MINDY2: variants seen among roughly 807,000 people sequenced by gnomAD.
MINDY2 encodes the protein ubiquitin carboxyl-terminal hydrolase MINDY-2.
A neutral mutation model predicts 68.2 loss-of-function variants in MINDY2; 52 were observed. That is an observed-to-expected ratio of 0.76 (90% CI 0.61 to 0.96). The LOEUF (loss-of-function observed/expected upper bound fraction) is 0.96, where lower values mean the gene tolerates loss of function less well. Among genes scored for constraint, MINDY2 ranks in the 40% least tolerant of loss-of-function variants. The probability of loss-of-function intolerance (pLI) is 0.00; values close to 1 mark genes in which losing one functional copy is unlikely to be tolerated. For missense variants in MINDY2, 881 were observed against 773.4 expected (o/e 1.14, Z -1.65); for synonymous variants, 372 against 303.0 (o/e 1.23, Z -2.36).
chr15:58,858,841 A>G lies in MINDY2; in HGVS notation c.*4231A>G, dbSNP rs2140888371. The G allele has an allele frequency of 6.6e-6, 1 of 152,284 alleles. No individual in the cohort carries two copies. Among genetic ancestry groups the G allele is most frequent in the Admixed American group, 6.5e-5 (1 of 15,302 alleles). 9.4% of individuals were successfully genotyped at this position (152,284 alleles called of 1,614,324 possible). On this transcript the variant is annotated 3_prime_UTR_variant, in exon 9 of 9. Coordinates refer to ENST00000559228, the MANE Select transcript of MINDY2 (RefSeq NM_001040450.3). ...CAGTTTGTATTTTAAGGAATTGGAC[A>G]TGAAGAATTCTAGATCATTTTGTGT...
At chr15:58,830,493 G>A (rs559558126) in intron 5 of MINDY2, among the ~76,000 whole-genome samples, 192 of 152,248 alleles carry the variant, frequency 1.3e-3, no homozygotes, top group African/African-American at 4.2e-3. Flanking sequence ...GGGATGCTCA[G>A]CTGATCAGTA....
At chr15:58,810,078 G>T in intron 3 of MINDY2, 152 bp from the exon 4 acceptor site, 1 of 677,818 alleles carries the variant, frequency 1.5e-6, no homozygotes, top group Non-Finnish European at 2.4e-6. Flanking sequence ...ACTAGCTTCT[G>T]ACACATAGTA....
intron 5 of MINDY2, among the ~76,000 whole-genome samples, chr15:58,823,210 T>C (rs1321793442): frequency 6.6e-6 from 1 of 150,756 alleles, no homozygotes; most frequent in Non-Finnish European, 1.5e-5. Context: ...CGATCTCAGC[T>C]CACTGCAACC....
At chr15:58,806,354 C>CT (rs57824507) in intron 3 of MINDY2, among the ~76,000 whole-genome samples, 1,601 of 128,534 alleles carry the variant, frequency 0.012, 11 homozygotes, top group Non-Finnish European at 0.015. Context: ...AACGTGCCAA[C>CT]TTTTTTTTTT....
intron 1 of MINDY2, among the ~76,000 whole-genome samples, chr15:58,779,820 A>G (rs1203269027): frequency 6.6e-6 from 1 of 152,202 alleles, no homozygotes; most frequent in African/African-American, 2.4e-5. Context: ...GTTGCCCTCT[A>G]ATAGTGATAG....
At chr15:58,831,579 G>T (rs537346303) in intron 5 of MINDY2, among the ~76,000 whole-genome samples, 195 bp from the exon 6 acceptor site, 16 of 152,280 alleles carry the variant, frequency 1.1e-4, no homozygotes, top group African/African-American at 3.9e-4. Context: ...ATTTAGGATA[G>T]GAATGTCTGT....
intron 1 of MINDY2, among the ~76,000 whole-genome samples, chr15:58,773,666 G>C (rs1900584161): frequency 6.6e-6 from 1 of 152,054 alleles, no homozygotes; most frequent in South Asian, 2.1e-4. Flanking sequence ...AACTTCATGG[G>C]ATTTATGGGT....
At chr15:58,843,882 A>G (rs1214960381) in intron 6 of MINDY2, among the ~76,000 whole-genome samples, 1 of 151,272 alleles carries the variant, frequency 6.6e-6, no homozygotes, top group African/African-American at 2.4e-5. Context: ...ACAATTTGTA[A>G]ATTGATAAAG....
chr15:58,826,062 A>G (rs1446926543), intron 5 of MINDY2, among the ~76,000 whole-genome samples: 1 of 152,064 alleles, frequency 6.6e-6, no homozygotes, highest in Admixed American at 6.6e-5. Context: ...TTTATTAAAT[A>G]ATATTGGTTT....
chr15:58,774,233 A>C (rs1900630460), intron 1 of MINDY2, among the ~76,000 whole-genome samples: 1 of 152,184 alleles, frequency 6.6e-6, no homozygotes, highest in Non-Finnish European at 1.5e-5. Flanking sequence ...CTGTATTCCC[A>C]GCATTTCGGG....
Position 58,831,055 on chromosome 15 carries a change from A to ATATATATATATATATATATATATATG in MINDY2, c.1226-714_1226-713insATATATATATATATATATATGTATAT, listed in dbSNP as rs1204574446. ...TGTGTGTGTGTGTATATATATATAT[A>ATATATATATATATATATATATATATG]TATATGTTTTAAATTATACCCCGGA... On this transcript the variant is annotated intron_variant, in intron 5 of 8. Coordinates refer to ENST00000559228, the MANE Select transcript of MINDY2 (RefSeq NM_001040450.3). Among the ~76,000 whole-genome samples the ATATATATATATATATATATATATATG allele has an allele frequency of 1.6e-4, 23 of 145,542 alleles. 1 individual carries two copies. The highest frequency in any genetic ancestry group is 5.8e-4 in the African/African-American group (21 of 36,488).
chr15:58,782,298 A>T (rs1023623501), intron 1 of MINDY2, among the ~76,000 whole-genome samples: 3 of 152,322 alleles, frequency 2.0e-5, no homozygotes, highest in African/African-American at 7.2e-5. Context: ...TATACACTGC[A>T]TATTTCAAAT....
chr15:58,857,041 G>A lies in MINDY2; in HGVS notation c.*2431G>A, dbSNP rs1285195799. On this transcript the variant is annotated 3_prime_UTR_variant, in exon 9 of 9. Transcript: ENST00000559228. Reference sequence around the variant, plus strand: ...GTAGATGTCAATGTATACTTACAAGGAAAAACTAAAAAATGTAATGTGTTA... The same window carrying A: ...GTAGATGTCAATGTATACTTACAAGAAAAAACTAAAAAATGTAATGTGTTA... 5 of 152,086 alleles carry A rather than the reference G, an allele frequency of 3.3e-5. No homozygotes were observed. Among genetic ancestry groups the A allele is most frequent in the African/African-American group, 1.2e-4 (5 of 41,430 alleles). The allele number at this position is 152,086 out of a possible 1,614,324, so 9.4% of individuals were successfully genotyped here.
chr15:58,852,719 AAAT>A (rs2032883574), intron 8 of MINDY2, among the ~76,000 whole-genome samples: 1 of 152,122 alleles, frequency 6.6e-6, no homozygotes, highest in Non-Finnish European at 1.5e-5. Flanking sequence ...TGTGAAGAAC[AAAT>A]AATATTAGCA....
intron 2 of MINDY2, among the ~76,000 whole-genome samples, chr15:58,788,181 A>T (rs1260275428): frequency 6.6e-6 from 1 of 152,228 alleles, no homozygotes; most frequent in Non-Finnish European, 1.5e-5. Context: ...ACCCATAAGG[A>T]ATCTAGGTAA....
At chr15:58,837,415 AT>A (rs1229358474) in intron 6 of MINDY2, among the ~76,000 whole-genome samples, 1 of 151,910 alleles carries the variant, frequency 6.6e-6, no homozygotes, top group African/African-American at 2.4e-5. Context: ...TCAACAAATA[AT>A]TTTGAAAGTT....
At chr15:58,810,492 C>T in intron 4 of MINDY2, 104 bp downstream of exon 4, 4 of 1,185,106 alleles carry the variant, frequency 3.4e-6, no homozygotes, top group Non-Finnish European at 4.6e-6. Context: ...TTTTTTTGTA[C>T]TTTTGCCTGG....
intron 2 of MINDY2, among the ~76,000 whole-genome samples, chr15:58,789,694 C>G (rs1233930941): frequency 1.3e-5 from 2 of 151,988 alleles, no homozygotes; most frequent in Non-Finnish European, 2.9e-5. Flanking sequence ...GTTTCTCAGG[C>G]TGGAGTGCAA....
rs545840694 is a variant in MINDY2 at position 58,809,725 on chromosome 15, A to G, written c.964-505A>G. Among the ~76,000 whole-genome samples, 23 of 152,290 alleles carry G rather than the reference A, an allele frequency of 1.5e-4. 1 individual carries two copies. In the South Asian group the frequency reaches 4.1e-3, roughly 27 times the overall value. ...ATACTTGACATTGTTTTATATATAT[A>G]CATGTTTATCTCTCCCAATAGAATG... On this transcript the variant is annotated intron_variant, in intron 3 of 8. Coordinates refer to ENST00000559228, the MANE Select transcript of MINDY2 (RefSeq NM_001040450.3).
Sources: gnomAD v4.1 joint callset for allele counts (sites outside exome capture counted in the v4.1 genomes callset) on GRCh38, gnomAD v4.1.1 for gene constraint, MANE v1.5 for transcripts, NCBI Gene and HGNC (gene_info 2026-07-23, HGNC 2026-07-21) for gene names.